The following AXIN1 variants were observed in gnomAD, a reference collection of about 807,000 sequenced individuals.
The protein encoded by AXIN1 is axin-1.
Under a neutral mutation model 76.4 loss-of-function variants are expected in AXIN1, and 30 were observed. The ratio of observed to expected loss-of-function variants is 0.39; its 90% confidence interval spans 0.29 to 0.53. The LOEUF (loss-of-function observed/expected upper bound fraction) is 0.53. Ranked by LOEUF, AXIN1 falls within the 20% of genes least tolerant of loss-of-function variation. The probability of loss-of-function intolerance (pLI) is 0.66; values close to 1 mark genes in which losing one functional copy is unlikely to be tolerated. For synonymous variants in AXIN1, 545 were observed against 501.4 expected (o/e 1.09, Z -1.16); for missense variants, 1,140 against 1,198.8 (o/e 0.95, Z 0.72).
At chr16:341,715 G>C (rs569212430) in intron 2 of AXIN1, among the ~76,000 whole-genome samples, 76 of 152,384 alleles carry the variant, frequency 5.0e-4, no homozygotes, top group African/African-American at 1.7e-3. Context: ...CCTGATTCTG[G>C]TGGGGACGTG....
Position 291,290 on chromosome 16 carries a change from G to A in AXIN1, c.2194C>T (p.Gln732Ter), listed in dbSNP as rs779315415. 11 of 1,577,890 alleles carry A rather than the reference G, an allele frequency of 7.0e-6. No homozygotes were observed. The highest frequency in any genetic ancestry group is 3.5e-5 in the South Asian group (3 of 86,630). ...SRAPSKQRYV[Q>*]EVMRRGRACV... ...GCGCGTCCCCGCCGCATAACCTCCT[G>A]CACATACCTAGGGAACAACCCGCGT... Residue 732 changes from glutamine (Q) to a stop codon, truncating the protein, a stop_gained, in exon 9 of 11, where the codon CAG (glutamine) becomes TAG (stop). Transcript: ENST00000262320. LOFTEE classifies it high-confidence loss of function.
intron 2 of AXIN1, among the ~76,000 whole-genome samples, chr16:340,591 C>A (rs2053896986): frequency 6.6e-6 from 1 of 152,240 alleles, no homozygotes; most frequent in Admixed American, 6.5e-5. Context: ...GCAGAACCTG[C>A]CTGCTGATCC....
chr16:351,609 C>CA (rs3073808), intron 1 of AXIN1, among the ~76,000 whole-genome samples: 207 of 144,374 alleles, frequency 1.4e-3, no homozygotes, highest in Non-Finnish European at 1.9e-3. Flanking sequence ...GACTCCGTCT[C>CA]AAAAAAAAAA....
rs779683215 is a variant in AXIN1 at position 304,313 on chromosome 16, G to A, written c.1245C>T (p.Arg415=). 16 of 1,611,316 alleles carry A rather than the reference G, an allele frequency of 9.9e-6. No individual in the cohort carries two copies. The highest frequency in any genetic ancestry group is 1.7e-4 in the Middle Eastern group (1 of 6,044). ...GACGCGGCCCACTCACCATGCGCACGCGCTTCAGCCGCTCCTCCAGCTTCT... is the reference window on the plus strand; with the variant it reads ...GACGCGGCCCACTCACCATGCGCACACGCTTCAGCCGCTCCTCCAGCTTCT... ...AEEKLEERLK[R]VRMEEEGEDG... The change falls in exon 5 of 11, where the codon CGC becomes CGT. Residue 415 remains arginine (R), a synonymous_variant. Coordinates refer to ENST00000262320, the MANE Select transcript of AXIN1 (RefSeq NM_003502.4).
At position 343,827 on chromosome 16, in the gene AXIN1, G is replaced by A. The variant is rs564772624; in HGVS notation, c.878+2321C>T. Among the ~76,000 whole-genome samples the A allele has an allele frequency of 1.5e-3, 221 of 150,418 alleles. 1 individual carries two copies. The highest frequency in any genetic ancestry group is 0.011 in the Middle Eastern group (3 of 282). On this transcript the variant is annotated intron_variant, in intron 2 of 10. Transcript: ENST00000262320. The stretch of plus-strand genomic sequence containing the variant: ...TCGAGACCATCCTGGCCAACGTGGC[G>A]AAACGCTGTCTCTACCACAAATACA...
intron 3 of AXIN1, among the ~76,000 whole-genome samples, chr16:310,896 G>A (rs1429460157): frequency 6.6e-6 from 1 of 152,244 alleles, no homozygotes; most frequent in Non-Finnish European, 1.5e-5. Context: ...GGATTGCACA[G>A]TGGGCAGCCA....
intron 9 of AXIN1, chr16:290,714 G>T: frequency 3.3e-6 from 1 of 299,752 alleles, no homozygotes; most frequent in South Asian, 3.1e-5. Context: ...TTGTAGGTGG[G>T]AGCAGAGCCC....
At position 314,598 on chromosome 16, in the gene AXIN1, C is replaced by T. The variant is rs377639730; in HGVS notation, c.964G>A (p.Glu322Lys). The change falls in exon 3 of 11, where the codon GAG becomes AAG. Residue 322 changes from glutamate to lysine, a missense_variant. By Grantham distance (56) the Glu-to-Lys change is moderately conservative. Around this residue, in one of 3 missense-constraint regions of AXIN1, gnomAD observed 708 missense variants for 776.9 expected, o/e 0.91. Coordinates refer to ENST00000262320, the MANE Select transcript of AXIN1 (RefSeq NM_003502.4). The stretch of plus-strand genomic sequence containing the variant: ...GCATCGCTGGACAGGCTCTGCTGCT[C>T]GCTGTCGTTGGCACTGGTGGCTGGG... ...LAPATSANDS[E>K]QQSLSSDADT... 4 of 1,613,876 alleles carry T rather than the reference C, an allele frequency of 2.5e-6. No individual in the cohort carries two copies. Among genetic ancestry groups the T allele is most frequent in the East Asian group, 2.2e-5 (1 of 44,890 alleles).
chr16:322,596 A>G (rs1393129551), intron 2 of AXIN1, among the ~76,000 whole-genome samples: 1 of 152,174 alleles, frequency 6.6e-6, no homozygotes, highest in Admixed American at 6.5e-5. Flanking sequence ...CCGCGAGGCA[A>G]AGAGTCCATG....
Position 352,513 on chromosome 16 carries a change from G to T in AXIN1, c.-226C>A. The T allele has an allele frequency of 1.3e-6, 1 of 789,616 alleles. No individual in the cohort carries two copies. The highest frequency in any genetic ancestry group is 1.5e-6 in the Non-Finnish European group (1 of 654,206). The allele number at this position is 789,616 out of a possible 1,614,324, so 48.9% of individuals were successfully genotyped here. On this transcript the variant is annotated 5_prime_UTR_variant, in exon 1 of 11. Coordinates refer to ENST00000262320, the MANE Select transcript of AXIN1 (RefSeq NM_003502.4). ...GCCCCCATCTCGGCGGCTGCGGCTC[G>T]GCGGCCCGGAGGCGGACGCGGGGCA...
At chr16:342,392 C>G (rs118100148) in intron 2 of AXIN1, among the ~76,000 whole-genome samples, 7,502 of 152,248 alleles carry the variant, frequency 0.049, 243 homozygotes, top group South Asian at 0.083. Flanking sequence ...CCGGACACAC[C>G]GGGACGACTA....
chr16:334,895 C>T (rs2053771884), intron 2 of AXIN1, among the ~76,000 whole-genome samples: 1 of 152,042 alleles, frequency 6.6e-6, no homozygotes, highest in Non-Finnish European at 1.5e-5. Flanking sequence ...ACTAATTACA[C>T]ACCACTCACT....
chr16:296,749 G>A (rs891459039), intron 7 of AXIN1, among the ~76,000 whole-genome samples: 139 of 152,304 alleles, frequency 9.1e-4, no homozygotes, highest in African/African-American at 3.2e-3. Context: ...CTCATGTGGG[G>A]GTCAGACTGG....
At chr16:347,173 C>T in intron 1 of AXIN1, 67 bp from the exon 2 acceptor site, 1 of 1,430,850 alleles carries the variant, frequency 7.0e-7, no homozygotes, top group Non-Finnish European at 9.6e-7. Context: ...CAGAGGTTTT[C>T]TCAAGACAAG....
rs1597135083 is a variant in AXIN1, at chr16:350,983, T to C, written c.-82+1386A>G. ...CCCATCTCTACTAAAAATACAAAAT[T>C]AGTCAGGCTTGGTGGCGCATGCCTA... On this transcript the variant is annotated intron_variant, in intron 1 of 10. Transcript: ENST00000262320. Among the ~76,000 whole-genome samples, 4 of 152,130 alleles carry C rather than the reference T, an allele frequency of 2.6e-5. No individual in the cohort carries two copies. The East Asian group carries it at 7.7e-4, about 29-fold the overall frequency.
At position 287,604 on chromosome 16, in the gene AXIN1, T is replaced by C; in HGVS notation, c.*518A>G. Reference sequence around the variant, plus strand: ...GCCCTCAGAAAGGAGGACCCAGGACTGCACAGCCGGCGGCTGGAGGCAGGT... The same window carrying C: ...GCCCTCAGAAAGGAGGACCCAGGACCGCACAGCCGGCGGCTGGAGGCAGGT... On this transcript the variant is annotated 3_prime_UTR_variant, in exon 11 of 11. Coordinates refer to ENST00000262320, the MANE Select transcript of AXIN1 (RefSeq NM_003502.4). The C allele has an allele frequency of 3.1e-6, 1 of 319,090 alleles. No homozygotes were observed. The highest frequency in any genetic ancestry group is 5.0e-5 in the East Asian group (1 of 20,160). The allele number at this position is 319,090 out of a possible 1,614,324, so 19.8% of individuals were successfully genotyped here.
At chr16:347,711 G>A (rs2054060749) in intron 1 of AXIN1, among the ~76,000 whole-genome samples, 1 of 152,158 alleles carries the variant, frequency 6.6e-6, no homozygotes, top group Non-Finnish European at 1.5e-5. Context: ...CACACTGCAG[G>A]GTGTTCCTCC....
At position 346,534 on chromosome 16, in the gene AXIN1, G is replaced by T. The variant is rs2054037998; in HGVS notation, c.492C>A (p.Thr164=). The T allele has an allele frequency of 6.2e-7, 1 of 1,614,188 alleles. No homozygotes were observed. The highest frequency in any genetic ancestry group is 8.5e-7 in the Non-Finnish European group (1 of 1,180,018). The change falls in exon 2 of 11, where the codon ACC becomes ACA. Residue 164 remains threonine (T), a synonymous_variant. Transcript: ENST00000262320. The part of the protein sequence containing the change: ...GIVSRQTKPA[T]KSFIKGCIMK... ...TGATGCAGCCCTTTATGAAGCTCTT[G>T]GTGGCTGGCTTGGTCTGCCGGGACA...
intron 4 of AXIN1, among the ~76,000 whole-genome samples, chr16:309,101 C>T (rs559044543): frequency 2.6e-5 from 4 of 152,038 alleles, no homozygotes; most frequent in Non-Finnish European, 5.9e-5. Context: ...GAGGCTGAAA[C>T]GGGCGGATCA....
Sources: gnomAD v4.1 joint callset for allele counts (sites outside exome capture counted in the v4.1 genomes callset) on GRCh38, gnomAD v4.1.1 for gene constraint, gnomAD v4.1.1 regional missense constraint, MANE v1.5 for transcripts, NCBI Gene and HGNC (gene_info 2026-07-23, HGNC 2026-07-21) for gene names.